Variants in NPAS3 observed in about 807,000 individuals in gnomAD.
NPAS3 encodes the protein neuronal PAS domain protein 3.
NPAS3 carries 14 observed loss-of-function variants against 73.1 expected under a neutral mutation model. The ratio of observed to expected loss-of-function variants is 0.19; its 90% CI spans 0.13 to 0.30. The LOEUF is 0.30. Ranked by LOEUF, NPAS3 falls within the 10% of genes least tolerant of loss-of-function variation. The pLI, the probability that NPAS3 is intolerant of heterozygous loss-of-function variation, is 1.00. For synonymous variants in NPAS3, 620 were observed against 541.5 expected, an observed-to-expected ratio of 1.14 and a Z score of -2.01; for missense variants, 1,096 against 1,250.0, an observed-to-expected ratio of 0.88 and a Z score of 1.86.
chr14:33,204,760 T>A (rs1345391006), intron 2 of NPAS3, among the ~76,000 whole-genome samples: 2 of 152,160 alleles, frequency 1.3e-5, no homozygotes, highest in Non-Finnish European at 2.9e-5. Flanking sequence ...TTAAGACCCT[T>A]GTGGGATAAC....
At chr14:33,426,637 G>C (rs1340675100) in intron 4 of NPAS3, among the ~76,000 whole-genome samples, 3 of 151,932 alleles carry the variant, frequency 2.0e-5, no homozygotes, top group African/African-American at 7.2e-5. Flanking sequence ...ATGAACCAAG[G>C]AGTTAGTGCT....
At chr14:33,452,320 T>A (rs1232888147) in intron 4 of NPAS3, among the ~76,000 whole-genome samples, 1 of 152,224 alleles carries the variant, frequency 6.6e-6, no homozygotes, top group Non-Finnish European at 1.5e-5. Flanking sequence ...TTGCTTTTAT[T>A]GTAATCATGG....
chr14:32,987,275 T>C (rs905083898), intron 1 of NPAS3, among the ~76,000 whole-genome samples: 2 of 148,722 alleles, frequency 1.3e-5, no homozygotes, highest in African/African-American at 4.9e-5. Flanking sequence ...TTCCCTTCTC[T>C]CCCTCTCTCT....
chr14:33,532,870 G>A lies in NPAS3; in HGVS notation c.469-27251G>A, dbSNP rs140343717. Among the ~76,000 whole-genome samples, 388 of 152,126 alleles carry A rather than the reference G, an allele frequency of 2.6e-3. 1 individual carries two copies. Among genetic ancestry groups the A allele is most frequent in the South Asian group, 0.022 (104 of 4,816 alleles). ...CTGTCTAAGTTGACTCCCAAATTTT[G>A]TTGGTTCATTGTCCTAGAAAACCAT... On this transcript the variant is annotated intron_variant, in intron 4 of 11. Transcript: ENST00000356141.
intron 3 of NPAS3, among the ~76,000 whole-genome samples, chr14:33,228,351 A>T (rs1057353551): frequency 6.6e-6 from 1 of 152,144 alleles, no homozygotes; most frequent in African/African-American, 2.4e-5. Flanking sequence ...ACTTAACGAG[A>T]CATGTAGAAG....
intron 2 of NPAS3, among the ~76,000 whole-genome samples, chr14:33,095,723 C>T (rs550845396): frequency 2.3e-5 from 3 of 133,102 alleles, no homozygotes; most frequent in Admixed American, 9.1e-5. Flanking sequence ...GGCTGGAGTG[C>T]AGTGGCGCGA....
chr14:33,419,219 GGTTAAGGAGAAAGAGTA>G (rs1332282986), intron 4 of NPAS3, among the ~76,000 whole-genome samples: 1 of 151,812 alleles, frequency 6.6e-6, no homozygotes, highest in Non-Finnish European at 1.5e-5. Flanking sequence ...AGGATAATAT[GGTTAAGGAGAAAGAGTA>G]GTTAAGGAGA....
At chr14:33,120,067 C>G (rs1418638395) in intron 2 of NPAS3, among the ~76,000 whole-genome samples, 1 of 151,758 alleles carries the variant, frequency 6.6e-6, no homozygotes, top group Non-Finnish European at 1.5e-5. Flanking sequence ...TCAAGTGATT[C>G]TCCCTGTCTC....
At chr14:33,260,812 T>C (rs1384755797) in intron 3 of NPAS3, among the ~76,000 whole-genome samples, 1 of 152,166 alleles carries the variant, frequency 6.6e-6, no homozygotes, top group African/African-American at 2.4e-5. Flanking sequence ...CTAACAGATT[T>C]CTTCTTCTTG....
chr14:33,131,537 G>A (rs1328812475), intron 2 of NPAS3, among the ~76,000 whole-genome samples: 3 of 151,944 alleles, frequency 2.0e-5, no homozygotes, highest in African/African-American at 7.3e-5. Flanking sequence ...TAAATGTTGG[G>A]GTTTGTGTAT....
At chr14:33,335,966 A>T (rs930743008) in intron 3 of NPAS3, among the ~76,000 whole-genome samples, 11 of 152,196 alleles carry the variant, frequency 7.2e-5, no homozygotes, top group Admixed American at 5.2e-4. Flanking sequence ...TCTAGTAGTG[A>T]AATTGCTGAG....
At chr14:33,149,138 C>T (rs1052097471) in intron 2 of NPAS3, among the ~76,000 whole-genome samples, 1 of 152,138 alleles carries the variant, frequency 6.6e-6, no homozygotes, top group African/African-American at 2.4e-5. Flanking sequence ...TTATCTGAGA[C>T]ATTTGTGACA....
At chr14:33,375,261 A>C (rs2046264263) in intron 4 of NPAS3, among the ~76,000 whole-genome samples, 1 of 152,174 alleles carries the variant, frequency 6.6e-6, no homozygotes, top group Non-Finnish European at 1.5e-5. Flanking sequence ...AGAAAGAGAG[A>C]AAGTTAGTGA....
chr14:33,306,886 C>T (rs1320947194), intron 3 of NPAS3, among the ~76,000 whole-genome samples: 2 of 152,116 alleles, frequency 1.3e-5, no homozygotes, highest in African/African-American at 4.8e-5. Flanking sequence ...GGAGCAGAGT[C>T]TTTGTGGAGG....
chr14:33,114,088 T>G (rs2042983779), intron 2 of NPAS3, among the ~76,000 whole-genome samples: 1 of 152,074 alleles, frequency 6.6e-6, no homozygotes. Context: ...CGGGCTGGAG[T>G]GCAGTGGCAC....
chr14:33,636,514 C>T (rs1477345197), intron 5 of NPAS3, among the ~76,000 whole-genome samples: 1 of 152,188 alleles, frequency 6.6e-6, no homozygotes, highest in African/African-American at 2.4e-5. Flanking sequence ...CATGTCAGGA[C>T]TTTCCTAACG....
At chr14:33,033,809 T>G (rs2040074850) in intron 1 of NPAS3, among the ~76,000 whole-genome samples, 1 of 152,232 alleles carries the variant, frequency 6.6e-6, no homozygotes, top group South Asian at 2.1e-4. Context: ...TTGACATTCC[T>G]TTAGTGTGTT....
In NPAS3 at chr14:33,799,465, GTC is replaced by G. The variant is rs1053877871; in HGVS notation, c.1427-267_1427-266del. ...CAGTCTACCTGGGTGGGAGCAGAGA[GTC>G]TGCATTTGCAGCGGGTGTCCAGATG... On this transcript the variant is annotated intron_variant, in intron 11 of 11. Transcript: ENST00000356141. Among the ~76,000 whole-genome samples the G allele has an allele frequency of 1.6e-4, 24 of 152,326 alleles. 1 individual carries two copies. Among genetic ancestry groups the G allele is most frequent in the Admixed American group, 1.4e-3 (21 of 15,304 alleles).
Position 33,336,838 on chromosome 14 carries a change from G to T in NPAS3, c.386-30348G>T, listed in dbSNP as rs2044249007. Among the ~76,000 whole-genome samples the T allele has an allele frequency of 3.3e-5, 5 of 151,088 alleles. No homozygotes were observed. The South Asian group carries it at 1.0e-3, about 32-fold the overall frequency. ...CAAAATTTTGTTAATGACTGATACT[G>T]TGGACCATCTTTTCAGGTACTTATT... On this transcript the variant is annotated intron_variant, in intron 3 of 11. Transcript: ENST00000356141.
Sources: gnomAD v4.1 joint callset for allele counts (sites outside exome capture counted in the v4.1 genomes callset) on GRCh38, gnomAD v4.1.1 for gene constraint, MANE v1.5 for transcripts, NCBI Gene and HGNC (gene_info 2026-07-23, HGNC 2026-07-21) for gene names.